The following MAP4K5 variants were observed in gnomAD, a reference collection of about 807,000 sequenced individuals.
MAP4K5 encodes the protein MAPK/ERK kinase kinase kinase 5.
Under a neutral mutation model 135.6 loss-of-function variants are expected in MAP4K5, and 82 were observed. That is an observed-to-expected ratio of 0.60 (90% confidence interval 0.51 to 0.73). The LOEUF (loss-of-function observed/expected upper bound fraction) is 0.73, where lower values mean the gene tolerates loss of function less well. Ranked by LOEUF, MAP4K5 falls within the 30% of genes least tolerant of loss-of-function variation. MAP4K5 has a pLI of 0.00. For synonymous variants in MAP4K5, 347 were observed against 335.0 expected (o/e 1.04, Z -0.39); for missense variants, 907 against 1,010.9 (o/e 0.90, Z 1.39).
upstream of MAP4K5, among the ~76,000 whole-genome samples, chr14:50,533,774 T>C (rs1333059725): frequency 1.3e-5 from 2 of 152,044 alleles, no homozygotes; most frequent in Non-Finnish European, 2.9e-5. Flanking sequence ...TTGTTGATAA[T>C]TGTATAATGT....
rs1409845571 is a variant in MAP4K5 at position 50,499,581 on chromosome 14, C to A, written c.166+5219G>T. Among the ~76,000 whole-genome samples, 5 of 151,958 alleles carry A rather than the reference C, an allele frequency of 3.3e-5. No individual in the cohort carries two copies. In the East Asian group the frequency reaches 9.7e-4, roughly 29 times the overall value. On this transcript the variant is annotated intron_variant, in intron 3 of 32. Coordinates refer to ENST00000682126, the MANE Select transcript of MAP4K5 (RefSeq NM_006575.6). ...GCTGAGGCACGAGAATCACTTGAAC[C>A]CGGTTGGCAAAGGTTGCAGTGAGCC...
At position 50,440,079 on chromosome 14, in the gene MAP4K5, A is replaced by C. The variant is rs965418018; in HGVS notation, c.1645-6T>G. 2.1e-6 allele frequency: 3 copies of C among 1,441,194 alleles called. No individual in the cohort carries two copies. In the Admixed American group the frequency reaches 6.1e-5, roughly 29 times the overall value. 89.3% of individuals were successfully genotyped at this position (1,441,194 alleles called of 1,614,324 possible). Reference sequence around the variant, plus strand: ...GTACACTTCCGTGGAAATAACTAAGAAAAAGAAGATAATTAAGATTCTCTC... The same window carrying C: ...GTACACTTCCGTGGAAATAACTAAGCAAAAGAAGATAATTAAGATTCTCTC... On this transcript the variant is annotated splice_polypyrimidine_tract_variant and splice_region_variant and intron_variant, in intron 22 of 32. Transcript: ENST00000682126.
At chr14:50,442,683 C>T (rs936883234) in intron 21 of MAP4K5, 49 bp downstream of exon 21, 8 of 1,220,640 alleles carry the variant, frequency 6.6e-6, no homozygotes, top group Non-Finnish European at 8.3e-6. Context: ...AAGATCTTTC[C>T]CATAATAAAT....
At chr14:50,523,815 T>C (rs562434438) in intron 2 of MAP4K5, among the ~76,000 whole-genome samples, 2 of 152,340 alleles carry the variant, frequency 1.3e-5, no homozygotes, top group East Asian at 1.9e-4. Flanking sequence ...GTCTGCCCCA[T>C]AGGAGGCCTT....
chr14:50,535,845 C>G (rs1346188469), upstream of MAP4K5, among the ~76,000 whole-genome samples: 1 of 152,150 alleles, frequency 6.6e-6, no homozygotes, highest in African/African-American at 2.4e-5. Flanking sequence ...TCTTGAATTC[C>G]CACGTGTTGT....
At chr14:50,498,285 T>C (rs1311612918) in intron 3 of MAP4K5, among the ~76,000 whole-genome samples, 2 of 152,236 alleles carry the variant, frequency 1.3e-5, no homozygotes, top group Admixed American at 1.3e-4. Context: ...TTATTTTCAA[T>C]GCTAATCACT....
rs78507072 is a variant in MAP4K5 at position 50,528,827 on chromosome 14, G to A, written c.108+3115C>T. ...CCTACATTGAAAATACTTCTAAAAC[G>A]TCCTAGGATGTTCAGCTCATCAGAA... On this transcript the variant is annotated intron_variant, in intron 2 of 32. Transcript: ENST00000682126. Among the ~76,000 whole-genome samples, 891 of 152,082 alleles carry A rather than the reference G, an allele frequency of 5.9e-3. 9 individuals carry two copies. The highest frequency in any genetic ancestry group is 0.02 in the African/African-American group (837 of 41,474).
At chr14:50,515,482 C>T (rs1206393690) in intron 2 of MAP4K5, among the ~76,000 whole-genome samples, 1 of 152,154 alleles carries the variant, frequency 6.6e-6, no homozygotes, top group Non-Finnish European at 1.5e-5. Context: ...ATACATCCTC[C>T]CTTACCTATC....
intron 15 of MAP4K5, among the ~76,000 whole-genome samples, chr14:50,447,827 CTA>C (rs1168743877): frequency 3.3e-5 from 5 of 152,236 alleles, no homozygotes; most frequent in African/African-American, 1.2e-4. Context: ...TATCATATTA[CTA>C]AACTGTCATG....
Position 50,539,279 on chromosome 14 carries a change from G to T in MAP4K5, c.-94+3220C>A, listed in dbSNP as rs1048253399. Among the ~76,000 whole-genome samples, 3 of 152,270 alleles carry T rather than the reference G, an allele frequency of 2.0e-5. No individual in the cohort carries two copies. The South Asian group carries it at 6.2e-4, about 32-fold the overall frequency. ...CACAACATTGAAAGATCAATCTCTA[G>T]CACTTAGCTGCTGTAACAGTGAGGT... On this transcript the variant is annotated intron_variant, in intron 2 of 8. Coordinates refer to the MAP4K5 transcript ENST00000555216.
intron 3 of MAP4K5, among the ~76,000 whole-genome samples, chr14:50,495,789 A>G (rs1021110839): frequency 1.3e-5 from 2 of 152,244 alleles, no homozygotes; most frequent in Non-Finnish European, 2.9e-5. Context: ...CATTATGCTA[A>G]GTGAAACAGC....
intron 30 of MAP4K5, among the ~76,000 whole-genome samples, chr14:50,428,439 A>G (rs938502530): frequency 1.1e-4 from 1 of 9,178 alleles, no homozygotes; most frequent in Non-Finnish European, 4.8e-4. Flanking sequence ...TATTTTTAGT[A>G]GAGACGGGGT....
At chr14:50,483,098 T>C (rs897533717) in intron 5 of MAP4K5, 11 of 152,188 alleles carry the variant, frequency 7.2e-5, no homozygotes, top group African/African-American at 2.4e-4. Context: ...TACAGAGAAA[T>C]AGAGAATCAT....
chr14:50,447,018 G>C (rs1465879863), intron 16 of MAP4K5, among the ~76,000 whole-genome samples: 2 of 152,154 alleles, frequency 1.3e-5, no homozygotes, highest in East Asian at 3.8e-4. Flanking sequence ...CTAGGAATCT[G>C]CATTTCTAAA....
intron 1 of MAP4K5, among the ~76,000 whole-genome samples, chr14:50,543,626 A>G (rs2038593155): frequency 6.6e-6 from 1 of 152,206 alleles, no homozygotes; most frequent in Admixed American, 6.5e-5. Context: ...AGTATGCAGA[A>G]GGATCAATCG....
intron 3 of MAP4K5, among the ~76,000 whole-genome samples, chr14:50,499,993 C>T (rs934167527): frequency 6.6e-6 from 1 of 152,080 alleles, no homozygotes; most frequent in African/African-American, 2.4e-5. Context: ...AAAAAAATGT[C>T]TATAGAGTTT....
rs557755234 is a variant in MAP4K5 at position 50,482,553 on chromosome 14, C to T, written c.323-137G>A. The stretch of plus-strand genomic sequence containing the variant: ...CAGCACTTTGGGAGGCCAAGGCAGG[C>T]GGATCACGAGGTCAAGAGCTCGAGA... On this transcript the variant is annotated intron_variant, in intron 5 of 32. Coordinates refer to ENST00000682126, the MANE Select transcript of MAP4K5 (RefSeq NM_006575.6). The T allele has an allele frequency of 1.6e-3, 888 of 553,996 alleles. 9 individuals carry two copies. In the African/African-American group the frequency reaches 0.016, roughly 10 times the overall value. The allele number at this position is 553,996 out of a possible 1,614,324, so 34.3% of individuals were successfully genotyped here. A position where few individuals can be genotyped will look rare whatever the true frequency, so the allele number is the denominator to read the frequency against.
chr14:50,498,069 T>C (rs2037631277), intron 3 of MAP4K5, among the ~76,000 whole-genome samples: 1 of 152,210 alleles, frequency 6.6e-6, no homozygotes, highest in African/African-American at 2.4e-5. Flanking sequence ...CTGCTCTGGC[T>C]GTTGGCCACC....
chr14:50,459,397 CT>C (rs1398201346), intron 13 of MAP4K5, among the ~76,000 whole-genome samples: 1 of 152,150 alleles, frequency 6.6e-6, no homozygotes, highest in Non-Finnish European at 1.5e-5. Context: ...AATTAATACA[CT>C]TTTCTCCATC....
Sources: gnomAD v4.1 joint callset for allele counts (sites outside exome capture counted in the v4.1 genomes callset) on GRCh38, gnomAD v4.1.1 for gene constraint, MANE v1.5 for transcripts, NCBI Gene and HGNC (gene_info 2026-07-23, HGNC 2026-07-21) for gene names.